The following GBX1 variants were observed in gnomAD, a reference collection of about 807,000 sequenced individuals.
The protein encoded by GBX1 is homeobox protein GBX-1.
A neutral mutation model predicts 22.9 loss-of-function variants in GBX1; 9 were observed. That is an observed-to-expected ratio of 0.39 (90% CI 0.24 to 0.69). The LOEUF is 0.69. Among genes scored for constraint, GBX1 ranks in the 30% least tolerant of loss-of-function variants. The probability of loss-of-function intolerance (pLI) is 0.43; values close to 1 mark genes in which losing one functional copy is unlikely to be tolerated. For missense variants in GBX1, 494 were observed against 509.2 expected (o/e 0.97, Z 0.29); for synonymous variants, 203 against 227.3 (o/e 0.89, Z 0.96).
At chr7:151,154,104 G>T (rs1801108419) in intron 1 of GBX1, among the ~76,000 whole-genome samples, 1 of 151,938 alleles carries the variant, frequency 6.6e-6, no homozygotes. Context: ...CAGGGGTGTT[G>T]GCGTGCGCCT....
At chr7:151,152,636 A>C (rs536452102) in intron 1 of GBX1, among the ~76,000 whole-genome samples, 2 of 152,310 alleles carry the variant, frequency 1.3e-5, no homozygotes, top group South Asian at 4.1e-4. Flanking sequence ...AACTCCAAGC[A>C]CCCAGGGGGT....
intron 1 of GBX1, among the ~76,000 whole-genome samples, chr7:151,154,159 A>G (rs561418949): frequency 1.1e-4 from 16 of 152,288 alleles, no homozygotes; most frequent in Non-Finnish European, 2.1e-4. Context: ...TGCAGTGAGC[A>G]GAGAGCGCGC....
At chr7:151,152,969 C>T (rs560365241) in intron 1 of GBX1, among the ~76,000 whole-genome samples, 1 of 151,876 alleles carries the variant, frequency 6.6e-6, no homozygotes, top group South Asian at 2.1e-4. Flanking sequence ...AAGAAAGCAA[C>T]GAGAGGAGAA....
In GBX1 at chr7:151,148,596, C is replaced by T. The variant is rs376566770; in HGVS notation, c.1085G>A (p.Arg362Gln). The T allele has an allele frequency of 1.9e-4, 310 of 1,612,678 alleles. 2 individuals carry two copies. The Admixed American group carries it at 1.9e-3, about 10-fold the overall frequency. Residue 362 changes from arginine (R) to glutamine (Q), a missense_variant, in exon 2 of 2, where the codon CGG (arginine) becomes CAG (glutamine). Transcript: ENST00000297537. The surrounding 1 kb of genome is among the most constrained non-coding windows in gnomAD (Gnocchi z 5.1). ...SQHQQMEQGA[R>Q]P Reference sequence around the variant, plus strand: ...AAGTTCTTGGGTGCCCATTCAGGGCCGGGCCCCCTGCTCCATTTGTTGGTG... The same window carrying T: ...AAGTTCTTGGGTGCCCATTCAGGGCTGGGCCCCCTGCTCCATTTGTTGGTG...
At chr7:151,167,680 GGCTCGGCGCAGTGTGGCTCCGGCGCCGC>G in exon 1 of GBX1, 1 of 959,750 alleles carries the variant, frequency 1.0e-6, no homozygotes, top group Non-Finnish European at 1.3e-6. This position sits in a 1 kb window ranked among gnomAD's most constrained non-coding sequence, Gnocchi z 5.9. Flanking sequence ...GCGGGGCGCG[GGCTCGGCGCAGTGTGGCTCCGGCGCCGC>G]GCTCCCTCTC....
intron 1 of GBX1, among the ~76,000 whole-genome samples, chr7:151,151,601 A>G (rs1801080145): frequency 6.6e-6 from 1 of 152,176 alleles, no homozygotes; most frequent in Non-Finnish European, 1.5e-5. Context: ...TGGCAACTGC[A>G]TCCTCTGTGT....
rs746237575 is a variant in GBX1 at position 151,167,179 on chromosome 7, C to G, written c.370G>C (p.Ala124Pro). The change falls in exon 1 of 2, where the codon GCC becomes CCC. Residue 124 changes from alanine (A) to proline (P), a missense_variant. By Grantham distance (27) the Ala-to-Pro change is conservative. This residue lies in a region of GBX1 where 365 missense variants were observed against 340.4 expected (regional missense o/e 1.07). Transcript: ENST00000297537. The surrounding 1 kb of genome is among the most constrained non-coding windows in gnomAD (Gnocchi z 5.9). ...GCAGTGGCGGCGGCGGCGGCAGCGG[C>G]GGCGGCGAGCTCCTGGGGCCCGTAG... is the stretch of plus-strand genomic sequence containing the variant. ...AFYGPQELAAAAAAAAATAAR... is the reference protein window; with the variant it reads ...AFYGPQELAAPAAAAAATAAR... 4 of 1,576,594 alleles carry G rather than the reference C, an allele frequency of 2.5e-6. No individual in the cohort carries two copies. Among genetic ancestry groups the G allele is most frequent in the Middle Eastern group, 1.8e-4 (1 of 5,484 alleles).
At chr7:151,156,788 C>A (rs939320185) in intron 1 of GBX1, among the ~76,000 whole-genome samples, 2 of 151,330 alleles carry the variant, frequency 1.3e-5, no homozygotes, top group African/African-American at 4.9e-5. Flanking sequence ...AGTTCGAGAC[C>A]AGCCTTGCCA....
intron 1 of GBX1, chr7:151,149,746 T>A: frequency 2.8e-6 from 1 of 358,666 alleles, no homozygotes; most frequent in East Asian, 8.1e-5. Context: ...TGGCCTCTGT[T>A]CTGTCTCCTC....
intron 1 of GBX1, among the ~76,000 whole-genome samples, chr7:151,158,920 T>TTTTGCTGGTGAGGAAACAGAC (rs1801164127): frequency 6.6e-6 from 1 of 152,154 alleles, no homozygotes; most frequent in African/African-American, 2.4e-5. Context: ...ACTGTCCTTA[T>TTTTGCTGGTGAGGAAACAGAC]TTTGCTGGTG....
intron 1 of GBX1, among the ~76,000 whole-genome samples, chr7:151,160,416 A>G (rs1801177802): frequency 6.6e-6 from 1 of 152,162 alleles, no homozygotes; most frequent in Non-Finnish European, 1.5e-5. Context: ...TTATAATATC[A>G]TCTTCTCCAT....
intron 1 of GBX1, among the ~76,000 whole-genome samples, chr7:151,158,160 C>T (rs768679261): frequency 2.6e-5 from 4 of 152,204 alleles, no homozygotes; most frequent in African/African-American, 9.6e-5. Context: ...TGACTAAGTA[C>T]GATGCTGTAA....
chr7:151,162,357 TAATG>T (rs1449277973), intron 1 of GBX1, among the ~76,000 whole-genome samples: 2 of 152,216 alleles, frequency 1.3e-5, no homozygotes, highest in African/African-American at 4.8e-5. Context: ...AGAAATTAAT[TAATG>T]GTCATCCAAA....
Position 151,167,341 on chromosome 7 carries a change from G to A in GBX1, c.208C>T (p.Leu70Phe), listed in dbSNP as rs1801270185. The change falls in exon 1 of 2, where the codon CTC (leucine) becomes TTC (phenylalanine). Residue 70 changes from leucine (L) to phenylalanine (F), a missense_variant. By Grantham distance (22) the Leu-to-Phe change is conservative. Transcript: ENST00000297537. The surrounding 1 kb of genome is among the most constrained non-coding windows in gnomAD (Gnocchi z 5.9). Reference sequence around the variant, plus strand: ...GAGGCTAGCGGGGCGAGGGGCGGGAGGCCAGCGGGCAGCGGCGCAGGGGCC... The same window carrying A: ...GAGGCTAGCGGGGCGAGGGGCGGGAAGCCAGCGGGCAGCGGCGCAGGGGCC... ...ALAPAPLPAGLPPLAPLASFA... is the reference protein window; with the variant it reads ...ALAPAPLPAGFPPLAPLASFA... 5 of 1,510,514 alleles carry A rather than the reference G, an allele frequency of 3.3e-6. No individual in the cohort carries two copies. Among genetic ancestry groups the A allele is most frequent in the Non-Finnish European group, 4.4e-6 (5 of 1,132,638 alleles). 93.6% of individuals were successfully genotyped at this position (1,510,514 alleles called of 1,614,324 possible).
intron 1 of GBX1, among the ~76,000 whole-genome samples, chr7:151,157,487 C>T (rs1313235780): frequency 6.6e-6 from 1 of 152,154 alleles, no homozygotes; most frequent in African/African-American, 2.4e-5. Context: ...TCTCTTCAGA[C>T]CTTCACTGCC....
At chr7:151,163,326 C>A (rs1053767031) in intron 1 of GBX1, among the ~76,000 whole-genome samples, 1 of 152,054 alleles carries the variant, frequency 6.6e-6, no homozygotes, top group Non-Finnish European at 1.5e-5. Flanking sequence ...TCATTTAGTG[C>A]TTCCTGCTCT....
chr7:151,166,933 G>A, intron 1 of GBX1, 78 bp downstream of exon 1: 2 of 1,456,518 alleles, frequency 1.4e-6, no homozygotes, highest in Non-Finnish European at 1.9e-6. Context: ...CCGAGGTGCC[G>A]AGGTTCCGAG....
At chr7:151,152,167 G>T (rs1408358421) in intron 1 of GBX1, among the ~76,000 whole-genome samples, 2 of 152,140 alleles carry the variant, frequency 1.3e-5, no homozygotes, top group African/African-American at 4.8e-5. Context: ...CACTCAATAA[G>T]CATCTGTTGA....
rs1005271098 is a variant in GBX1 at position 151,148,169 on chromosome 7, A to G, written c.*420T>C. On this transcript the variant is annotated 3_prime_UTR_variant, in exon 2 of 2. Coordinates refer to ENST00000297537, the MANE Select transcript of GBX1 (RefSeq NM_001098834.3). The surrounding 1 kb of genome is among the most constrained non-coding windows in gnomAD (Gnocchi z 5.1). ...GAGACAGATAGCTCCATATATACAC[A>G]TTTACACAAATAAATAAGGAGCTGC... Among the ~76,000 whole-genome samples, 2 of 152,182 alleles carry G rather than the reference A, an allele frequency of 1.3e-5. No individual in the cohort carries two copies. The highest frequency in any genetic ancestry group is 1.3e-4 in the Admixed American group (2 of 15,276).
Sources: allele counts gnomAD v4.1 joint callset (sites outside exome capture counted in the v4.1 genomes callset), GRCh38; gene constraint gnomAD v4.1.1; regional missense constraint gnomAD v4.1.1; non-coding constraint Gnocchi (gnomAD v3.1); transcripts MANE v1.5; gene names NCBI Gene and HGNC (gene_info 2026-07-23, HGNC 2026-07-21).